IRAK3: variants seen among roughly 807,000 people sequenced by gnomAD.
The protein encoded by IRAK3 is interleukin 1 receptor associated kinase 3.
A neutral mutation model predicts 56.6 loss-of-function variants in IRAK3; 57 were observed. The observed-to-expected ratio is 1.01, with a 90% CI of 0.81 to 1.26. The LOEUF is 1.26. IRAK3 is among the 50% of genes most tolerant of loss of function. The pLI, the probability that IRAK3 is intolerant of heterozygous loss-of-function variation, is 0.00. For missense variants in IRAK3, 703 were observed against 719.0 expected, an observed-to-expected ratio of 0.98 and a Z score of 0.25; for synonymous variants, 258 against 255.7, an observed-to-expected ratio of 1.01 and a Z score of -0.09.
At chr12:66,234,929 G>A in intron 8 of IRAK3, 6 of 1,614,104 alleles carry the variant, frequency 3.7e-6, no homozygotes, top group Non-Finnish European at 5.1e-6. Flanking sequence ...GGCCTTCAGG[G>A]CAGACACAGC....
Position 66,211,591 on chromosome 12 carries a change from T to C in IRAK3, c.582T>C (p.Phe194=). 1 of 1,609,732 alleles carries C rather than the reference T, an allele frequency of 6.2e-7. No homozygotes were observed. Among genetic ancestry groups the C allele is most frequent in the Non-Finnish European group, 8.5e-7 (1 of 1,176,164 alleles). The change falls in exon 5 of 12, where the codon TTT becomes TTC. Residue 194 remains phenylalanine, a synonymous_variant. Transcript: ENST00000261233. ...IQNLTYAVKL[F]KQEKKMQCKK... ...ACCTAACATATGCTGTCAAATTATTTAAACAGGTATGGAAAGAATTACTGT... is the reference window on the plus strand; with the variant it reads ...ACCTAACATATGCTGTCAAATTATTCAAACAGGTATGGAAAGAATTACTGT...
intron 8 of IRAK3, chr12:66,234,604 CTT>C: frequency 6.2e-7 from 1 of 1,611,692 alleles, no homozygotes; most frequent in African/African-American, 1.3e-5. Context: ...GGTTCTGTCT[CTT>C]TTTCTGTCCT....
At position 66,247,962 on chromosome 12, in the gene IRAK3, A is replaced by G. The variant is rs770017795; in HGVS notation, c.1582A>G (p.Asn528Asp). 1 of 1,612,458 alleles carries G rather than the reference A, an allele frequency of 6.2e-7. No homozygotes were observed. ...GGACAAAAAGCCAGAGAGCAAGAGA[A>G]ATGAGGAAGCTTGCAACATGCCCAG... ...SLDKKPESKRNEEACNMPSSS... is the reference protein window; with the variant it reads ...SLDKKPESKRDEEACNMPSSS... The change falls in exon 12 of 12, where the codon AAT becomes GAT. Residue 528 changes from asparagine (N) to aspartate (D), a missense_variant. Asn to Asp is a conservative substitution (Grantham distance 23). Coordinates refer to ENST00000261233, the MANE Select transcript of IRAK3 (RefSeq NM_007199.3).
intron 8 of IRAK3, among the ~76,000 whole-genome samples, chr12:66,242,107 T>A (rs1024386918): frequency 1.3e-5 from 2 of 152,188 alleles, no homozygotes; most frequent in African/African-American, 4.8e-5. Flanking sequence ...TTTAGGTGTT[T>A]GACATTGAAT....
intron 8 of IRAK3, chr12:66,235,007 T>C (rs926172692): frequency 1.7e-5 from 28 of 1,613,642 alleles, no homozygotes; most frequent in East Asian, 6.7e-5. Flanking sequence ...CGTTGTCTTA[T>C]GCAAAATTGC....
intron 11 of IRAK3, among the ~76,000 whole-genome samples, chr12:66,247,038 G>A (rs1319407930): frequency 1.3e-5 from 2 of 152,198 alleles, no homozygotes; most frequent in Non-Finnish European, 2.9e-5. Flanking sequence ...GAGAGTCTGA[G>A]GTGGGTGGAT....
rs139874918 is a variant in IRAK3 at position 66,224,735 on chromosome 12, C to T, written c.654-1988C>T. Among the ~76,000 whole-genome samples the T allele has an allele frequency of 3.3e-3, 499 of 152,168 alleles. 8 individuals carry two copies. Among genetic ancestry groups the T allele is most frequent in the African/African-American group, 0.011 (440 of 41,510 alleles). On this transcript the variant is annotated intron_variant, in intron 6 of 11. Transcript: ENST00000261233. ...TACAGTTAAAGGAACAGGCTCAGAG[C>T]GATTAAATAACTTGCCCAAGTTAAC...
intron 2 of IRAK3, among the ~76,000 whole-genome samples, chr12:66,208,374 A>G (rs1351683675): frequency 2.6e-5 from 4 of 152,026 alleles, no homozygotes; most frequent in Admixed American, 6.6e-5. Context: ...CACCACCTCC[A>G]ATACTTTATG....
intron 6 of IRAK3, among the ~76,000 whole-genome samples, chr12:66,218,658 G>T (rs748654901): frequency 6.6e-6 from 1 of 152,260 alleles, no homozygotes; most frequent in South Asian, 2.1e-4. Flanking sequence ...AATAAAAATT[G>T]TATATATTAA....
chr12:66,242,831 C>T (rs2052984877), intron 8 of IRAK3, among the ~76,000 whole-genome samples: 2 of 152,124 alleles, frequency 1.3e-5, no homozygotes, highest in African/African-American at 2.4e-5. Context: ...CCCAGCACTT[C>T]GGGAGGCCGA....
At chr12:66,233,958 G>A in intron 8 of IRAK3, 1 of 1,215,060 alleles carries the variant, frequency 8.2e-7, no homozygotes, top group Non-Finnish European at 1.2e-6. Context: ...ACGTTTTCAA[G>A]AACTTGTGCA....
chr12:66,209,741 T>G (rs1158136184), intron 3 of IRAK3, among the ~76,000 whole-genome samples: 1 of 152,256 alleles, frequency 6.6e-6, no homozygotes, highest in Non-Finnish European at 1.5e-5. Context: ...CTCAGTGATC[T>G]GTCAGAGATG....
intron 2 of IRAK3, among the ~76,000 whole-genome samples, chr12:66,208,429 T>A (rs2052578833): frequency 6.6e-6 from 1 of 152,096 alleles, no homozygotes; most frequent in East Asian, 1.9e-4. Flanking sequence ...GAAGATATAA[T>A]ATCATAATTG....
At chr12:66,198,472 C>T (rs999217565) in intron 1 of IRAK3, among the ~76,000 whole-genome samples, 1 of 152,122 alleles carries the variant, frequency 6.6e-6, no homozygotes, top group African/African-American at 2.4e-5. Context: ...CCTTACCCCA[C>T]GACACGACAC....
intron 5 of IRAK3, among the ~76,000 whole-genome samples, chr12:66,212,306 G>A (rs536815540): frequency 1.3e-5 from 2 of 152,224 alleles, no homozygotes; most frequent in South Asian, 2.1e-4. Context: ...AAGGGTGGAA[G>A]GAGGAGGCTT....
rs1023073155 is a variant in IRAK3, at chr12:66,250,529, A to G, written c.*2358A>G. 3 of 152,240 alleles carry G rather than the reference A, an allele frequency of 2.0e-5. No homozygotes were observed. The highest frequency in any genetic ancestry group is 7.2e-5 in the African/African-American group (3 of 41,452). The allele number at this position is 152,240 out of a possible 1,614,324, so 9.4% of individuals were successfully genotyped here. On this transcript the variant is annotated 3_prime_UTR_variant, in exon 12 of 12. Transcript: ENST00000261233. ...CCTCGGTAAGCAGTTGGGAGAACCC[A>G]TGCCCACCACTGCTCTGTACGGTAT... is the stretch of plus-strand genomic sequence containing the variant.
At chr12:66,240,378 A>G (rs545960819) in intron 8 of IRAK3, among the ~76,000 whole-genome samples, 3 of 152,286 alleles carry the variant, frequency 2.0e-5, no homozygotes, top group South Asian at 4.1e-4. Flanking sequence ...AAGCTTGAAT[A>G]CTGTGTCTCT....
At chr12:66,201,174 TG>T (rs1403065345) in intron 1 of IRAK3, among the ~76,000 whole-genome samples, 1 of 152,212 alleles carries the variant, frequency 6.6e-6, no homozygotes, top group Non-Finnish European at 1.5e-5. Context: ...TTCTGAGATC[TG>T]AACAACCATT....
chr12:66,235,774 A>G (rs1290071203), intron 8 of IRAK3, among the ~76,000 whole-genome samples: 3 of 152,266 alleles, frequency 2.0e-5, no homozygotes, highest in Non-Finnish European at 2.9e-5. Context: ...AAAAAATATT[A>G]AAAGTAAAAT....
Sources: allele counts gnomAD v4.1 joint callset (sites outside exome capture counted in the v4.1 genomes callset), GRCh38; gene constraint gnomAD v4.1.1; transcripts MANE v1.5; gene names NCBI Gene and HGNC (gene_info 2026-07-23, HGNC 2026-07-21).